The following UNC80 variants were observed in gnomAD, a reference collection of about 807,000 sequenced individuals.
The protein encoded by UNC80 is unc-80 subunit of NALCN channel complex, also known as protein unc-80 homolog.
In UNC80, 164 loss-of-function variants were observed where a neutral mutation model predicts 384.6. The observed-to-expected ratio is 0.43, with a 90% CI of 0.38 to 0.49. The LOEUF (loss-of-function observed/expected upper bound fraction) is 0.49. UNC80 is among the 20% of genes least tolerant of loss of function. The pLI is 0.00. For missense variants in UNC80, 3,330 were observed against 4,143.0 expected (o/e 0.80, Z 5.39); for synonymous variants, 1,486 against 1,527.8 (o/e 0.97, Z 0.64).
chr2:209,880,221 GC>G (rs1188962377), intron 24 of UNC80, among the ~76,000 whole-genome samples: 1 of 152,144 alleles, frequency 6.6e-6, no homozygotes, highest in Non-Finnish European at 1.5e-5. Context: ...TGTTACCATG[GC>G]CATTATCTGT....
Position 209,992,194 on chromosome 2 carries a change from C to A in UNC80, c.9343C>A (p.Gln3115Lys). The change falls in exon 62 of 65, where the codon CAA (glutamine) becomes AAA (lysine). Residue 3115 changes from glutamine to lysine, a missense_variant. Transcript: ENST00000673920. ...GGCAAGTATACAGAGTGAACCTGGT[C>A]AACAGAACCTCCTTGTTCAGCAGCC... ...RVASIQSEPG[Q>K]QNLLVQQPLG... The A allele has an allele frequency of 6.4e-7, 1 of 1,551,598 alleles. No homozygotes were observed.
At chr2:209,958,041 C>T (rs1204574196) in intron 49 of UNC80, among the ~76,000 whole-genome samples, 2 of 152,054 alleles carry the variant, frequency 1.3e-5, no homozygotes, top group Admixed American at 6.6e-5. Flanking sequence ...CATTTACCTT[C>T]AACAAAAGGC....
intron 35 of UNC80, 54 bp from the exon 36 acceptor site, chr2:209,926,789 C>A: frequency 6.5e-7 from 1 of 1,542,556 alleles, no homozygotes; most frequent in Non-Finnish European, 8.8e-7. Context: ...ACAACAGTAG[C>A]AACAAAGAAT....
chr2:209,773,127 T>C lies in UNC80; in HGVS notation c.126T>C (p.Tyr42=), dbSNP rs2076676598. Residue 42 remains tyrosine (Y), a synonymous_variant, in exon 2 of 65, where the codon TAT becomes TAC. Transcript: ENST00000673920. The part of the protein sequence containing the change: ...AFLRPKLGKQ[Y]EASCVSFERV... ...TGAGGCCCAAACTGGGGAAGCAATA[T>C]GAAGCTTCTTGTGTGGTATGTGATT... 1 of 1,613,452 alleles carries C rather than the reference T, an allele frequency of 6.2e-7. No individual in the cohort carries two copies. Among genetic ancestry groups the C allele is most frequent in the Non-Finnish European group, 8.5e-7 (1 of 1,179,638 alleles).
At chr2:209,876,342 T>C (rs990142335) in intron 23 of UNC80, among the ~76,000 whole-genome samples, 2 of 152,220 alleles carry the variant, frequency 1.3e-5, no homozygotes, top group Admixed American at 1.3e-4. Context: ...TACTCAACTT[T>C]ATGTTCTATT....
intron 28 of UNC80, among the ~76,000 whole-genome samples, chr2:209,900,082 T>C (rs1042111306): frequency 3.9e-5 from 6 of 152,222 alleles, no homozygotes; most frequent in Non-Finnish European, 8.8e-5. Context: ...TCAGCGAATA[T>C]CCTTTCTCTC....
chr2:209,889,304 G>C lies in UNC80; in HGVS notation c.4276+1044G>C, dbSNP rs150107308. On this transcript the variant is annotated intron_variant, in intron 26 of 64. Coordinates refer to ENST00000673920, the MANE Select transcript of UNC80 (RefSeq NM_001371986.1). The stretch of plus-strand genomic sequence containing the variant: ...TTAAGAAAGATAAAAGTGTTACAGC[G>C]TTTACAGAATTTCTTTTGGCCTGGC... Among the ~76,000 whole-genome samples, 149 of 152,220 alleles carry C rather than the reference G, an allele frequency of 9.8e-4. 1 individual carries two copies. In the Middle Eastern group the frequency reaches 0.017, roughly 17 times the overall value.
At position 209,922,270 on chromosome 2, in the gene UNC80, T is replaced by G. The variant is rs1287326321; in HGVS notation, c.5549T>G (p.Leu1850Arg). Residue 1850 changes from leucine to arginine, a missense_variant, in exon 35 of 65, where the codon CTG becomes CGG. Physicochemically the swap from Leu to Arg is moderately radical, Grantham distance 102. Coordinates refer to ENST00000673920, the MANE Select transcript of UNC80 (RefSeq NM_001371986.1). Reference sequence around the variant, plus strand: ...TTGCCAGTAGAAGAAGTCACCAATCTGGCATCCCGTCGACTGTCTGTGAGT... The same window carrying G: ...TTGCCAGTAGAAGAAGTCACCAATCGGGCATCCCGTCGACTGTCTGTGAGT... ...PEEEVEEVTN[L>R]ASRRLSVSPS... 6.4e-7 allele frequency: 1 copy of G among 1,552,074 alleles called. No homozygotes were observed. The highest frequency in any genetic ancestry group is 1.4e-5 in the African/African-American group (1 of 73,030).
chr2:209,776,245 A>AT (rs1182821195), intron 3 of UNC80, among the ~76,000 whole-genome samples, 200 bp downstream of exon 3: 1 of 152,096 alleles, frequency 6.6e-6, no homozygotes, highest in African/African-American at 2.4e-5. Context: ...CTTGTTTTTA[A>AT]TTTTTTAATT....
chr2:209,775,953 T>A lies in UNC80; in HGVS notation c.206T>A (p.Ile69Asn). 1.2e-6 allele frequency: 2 copies of A among 1,614,172 alleles called. No individual in the cohort carries two copies. Among genetic ancestry groups the A allele is most frequent in the Non-Finnish European group, 1.7e-6 (2 of 1,180,024 alleles). The change falls in exon 3 of 65, where the codon ATC becomes AAC. Residue 69 changes from isoleucine (I) to asparagine (N), a missense_variant. Ile to Asn is a moderately radical substitution (Grantham distance 149). Coordinates refer to ENST00000673920, the MANE Select transcript of UNC80 (RefSeq NM_001371986.1). ...CTCTCTCCAGCTCTCTCTGAAGCCA[T>A]CCAGAGCATTTCCAGATGGGAACTG... is the stretch of plus-strand genomic sequence containing the variant. ...HGLSPALSEA[I>N]QSISRWELVQ...
intron 61 of UNC80, among the ~76,000 whole-genome samples, chr2:209,989,238 T>C (rs1395339580): frequency 6.6e-6 from 1 of 151,672 alleles, no homozygotes; most frequent in Non-Finnish European, 1.5e-5. Context: ...GGCATGAGAA[T>C]TGCTTGAACG....
chr2:209,849,742 T>A, intron 22 of UNC80, 119 bp downstream of exon 22: 1 of 1,117,578 alleles, frequency 8.9e-7, no homozygotes, highest in South Asian at 1.7e-5. Context: ...TTTTTCAGAA[T>A]TAGTGATAAA....
intron 51 of UNC80, among the ~76,000 whole-genome samples, chr2:209,962,139 A>G (rs1484996956): frequency 6.6e-6 from 1 of 152,158 alleles, no homozygotes; most frequent in Non-Finnish European, 1.5e-5. Context: ...CTACAATCAA[A>G]CAAGATGGGT....
Position 209,933,974 on chromosome 2 carries a change from G to A in UNC80, c.6147G>A (p.Glu2049=). 1.3e-6 allele frequency: 2 copies of A among 1,549,668 alleles called. No homozygotes were observed. The highest frequency in any genetic ancestry group is 1.7e-6 in the Non-Finnish European group (2 of 1,146,294). The stretch of plus-strand genomic sequence containing the variant: ...AGACGATGAAGAAGGAGCAGTGTGA[G>A]GTGAAGCTCCTGGTGACCGCTTCAA... ...LKQTMKKEQC[E]VKLLVTASMP... The change falls in exon 39 of 65, where the codon GAG becomes GAA. Residue 2049 remains glutamate, a synonymous_variant. Coordinates refer to ENST00000673920, the MANE Select transcript of UNC80 (RefSeq NM_001371986.1).
In UNC80 at chr2:209,789,594, A is replaced by C. The variant is rs768925917; in HGVS notation, c.787A>C (p.Arg263=). The C allele has an allele frequency of 6.2e-7, 1 of 1,611,762 alleles. No individual in the cohort carries two copies. The highest frequency in any genetic ancestry group is 1.1e-5 in the South Asian group (1 of 91,012). The change falls in exon 6 of 65, where the codon AGA becomes CGA. Residue 263 remains arginine (R), a synonymous_variant. Transcript: ENST00000673920. The stretch of plus-strand genomic sequence containing the variant: ...CTGTGAATCACCAAATCAAGATGCA[A>C]GACACTTAGAGGTTAGTTTATTATA... ...RTCESPNQDA[R]HLEGLQVVCE...
intron 7 of UNC80, chr2:209,794,703 G>T (rs548860105): frequency 4.9e-5 from 21 of 429,638 alleles, no homozygotes; most frequent in Non-Finnish European, 8.8e-5. Flanking sequence ...TGCTATTCTC[G>T]ATAGTGAGTA....
At chr2:209,974,988 G>C (rs2092975502) in intron 56 of UNC80, among the ~76,000 whole-genome samples, 1 of 152,174 alleles carries the variant, frequency 6.6e-6, no homozygotes, top group Non-Finnish European at 1.5e-5. Flanking sequence ...GCTGTGAAAA[G>C]TGAGACTTTG....
Position 209,904,862 on chromosome 2 carries a change from G to T in UNC80, c.4679G>T (p.Arg1560Leu). 1 of 1,551,858 alleles carries T rather than the reference G, an allele frequency of 6.4e-7. No individual in the cohort carries two copies. ...CYLHHSRSCARLVRAIKLLYG... is the reference protein window; with the variant it reads ...CYLHHSRSCALLVRAIKLLYG... ...CTGCACCACAGCCGCTCCTGTGCCC[G>T]ACTGGTCAGAGCCATCAAGCTACTC... The change falls in exon 29 of 65, where the codon CGA (arginine) becomes CTA (leucine). Residue 1560 changes from arginine to leucine, a missense_variant. Physicochemically the swap from Arg to Leu is moderately radical, Grantham distance 102. Transcript: ENST00000673920.
intron 1 of UNC80, 38 bp downstream of exon 1, chr2:209,772,202 G>T (rs1006115480): frequency 6.4e-6 from 9 of 1,399,960 alleles, no homozygotes; most frequent in African/African-American, 4.5e-5. Context: ...GCCGCCCTGG[G>T]CTGGGGGCGC....
Sources: gnomAD v4.1 joint callset for allele counts (sites outside exome capture counted in the v4.1 genomes callset) on GRCh38, gnomAD v4.1.1 for gene constraint, MANE v1.5 for transcripts, NCBI Gene and HGNC (gene_info 2026-07-23, HGNC 2026-07-21) for gene names.